Variants in DLG2 observed in about 807,000 individuals in gnomAD.
The protein encoded by DLG2 is discs large MAGUK scaffold protein 2.
In DLG2, 45 loss-of-function variants were observed where a neutral mutation model predicts 132.5. The ratio of observed to expected loss-of-function variants is 0.34; its 90% confidence interval spans 0.27 to 0.44. DLG2 has a LOEUF of 0.44. Ranked by LOEUF, DLG2 falls within the 20% of genes least tolerant of loss-of-function variation. The pLI is 1.00. For synonymous variants in DLG2, 424 were observed against 419.6 expected (o/e 1.01, Z -0.13); for missense variants, 1,045 against 1,196.9 (o/e 0.87, Z 1.87).
intron 11 of DLG2, among the ~76,000 whole-genome samples, chr11:84,032,781 G>A (rs755615189): frequency 5.9e-5 from 9 of 152,134 alleles, no homozygotes; most frequent in Non-Finnish European, 7.4e-5. Flanking sequence ...GATTCTCCTG[G>A]TAAGGGTTTA....
chr11:85,040,053 C>G (rs897141772), intron 6 of DLG2, among the ~76,000 whole-genome samples: 1 of 151,738 alleles, frequency 6.6e-6, no homozygotes, highest in African/African-American at 2.4e-5. Context: ...GCTATAGATC[C>G]CAAATTCAAA....
At chr11:84,947,455 C>A (rs1412660382) in intron 6 of DLG2, among the ~76,000 whole-genome samples, 1 of 152,190 alleles carries the variant, frequency 6.6e-6, no homozygotes, top group Non-Finnish European at 1.5e-5. Flanking sequence ...CAAATATTAT[C>A]TGCAAACTAA....
intron 6 of DLG2, among the ~76,000 whole-genome samples, chr11:85,024,977 C>T (rs1033723795): frequency 1.3e-5 from 2 of 152,160 alleles, no homozygotes; most frequent in African/African-American, 4.8e-5. Context: ...AAATAATCCT[C>T]ATTCAGCTCT....
intron 8 of DLG2, among the ~76,000 whole-genome samples, chr11:84,228,155 A>G (rs548531465): frequency 6.6e-6 from 1 of 152,122 alleles, no homozygotes; most frequent in South Asian, 2.1e-4. Flanking sequence ...TTAACTATCC[A>G]TCTCTTCCGT....
At chr11:84,027,925 G>T (rs771580317) in intron 11 of DLG2, among the ~76,000 whole-genome samples, 4 of 151,752 alleles carry the variant, frequency 2.6e-5, no homozygotes, top group Non-Finnish European at 4.4e-5. Context: ...ATAGAAATAA[G>T]AATGTACAGA....
At position 83,507,398 on chromosome 11, in the gene DLG2, G is replaced by GAT. The variant is rs35883560; in HGVS notation, c.2194-23172_2194-23171dup. Among the ~76,000 whole-genome samples the GAT allele has an allele frequency of 2.8e-3, 402 of 144,464 alleles. 5 individuals are homozygous for GAT. Among genetic ancestry groups the GAT allele is most frequent in the Admixed American group, 4.3e-3 (62 of 14,268 alleles). The allele number at this position is 144,464 out of a possible 152,430, so 94.8% of individuals were successfully genotyped here. ...TTCTCTAGAGGGACAGAACAAATAGGATATATATATATATACACACATACA... is the reference window on the plus strand; with the variant it reads ...TTCTCTAGAGGGACAGAACAAATAGGATATATATATATATATACACACATACA... On this transcript the variant is annotated intron_variant, in intron 21 of 27. Coordinates refer to ENST00000376104, the MANE Select transcript of DLG2 (RefSeq NM_001142699.3).
At chr11:85,153,202 G>A (rs2077371950) in intron 5 of DLG2, among the ~76,000 whole-genome samples, 2 of 152,140 alleles carry the variant, frequency 1.3e-5, no homozygotes, top group South Asian at 4.1e-4. Context: ...ATAGAGCCAA[G>A]ATACAAATCC....
At chr11:85,040,647 A>G (rs1211499018) in intron 6 of DLG2, among the ~76,000 whole-genome samples, 2 of 151,918 alleles carry the variant, frequency 1.3e-5, no homozygotes, top group African/African-American at 2.4e-5. Context: ...GACACCATCA[A>G]TCTTGTAACT....
At chr11:84,228,432 T>A (rs1358490638) in intron 8 of DLG2, among the ~76,000 whole-genome samples, 1 of 152,186 alleles carries the variant, frequency 6.6e-6, no homozygotes, top group African/African-American at 2.4e-5. Flanking sequence ...AAGACTTTAA[T>A]CAGAATTTTA....
intron 18 of DLG2, among the ~76,000 whole-genome samples, chr11:83,747,283 C>T (rs2092979356): frequency 9.4e-6 from 1 of 106,262 alleles, no homozygotes; most frequent in Non-Finnish European, 2.2e-5. Flanking sequence ...AATCTTCCTT[C>T]CTTCCTTCCT....
chr11:83,865,967 G>GC (rs1261426729), intron 16 of DLG2, among the ~76,000 whole-genome samples: 1 of 151,922 alleles, frequency 6.6e-6, no homozygotes, highest in Non-Finnish European at 1.5e-5. Context: ...CCTTTTCTTT[G>GC]CCTAGTCAAG....
chr11:85,198,213 T>C (rs1010508461), intron 4 of DLG2, among the ~76,000 whole-genome samples: 2 of 152,178 alleles, frequency 1.3e-5, no homozygotes, highest in East Asian at 1.9e-4. Flanking sequence ...AGAGATTTCG[T>C]TGTAGTTCCA....
intron 9 of DLG2, among the ~76,000 whole-genome samples, chr11:84,118,737 G>A (rs2093761297): frequency 6.6e-6 from 1 of 152,284 alleles, no homozygotes; most frequent in South Asian, 2.1e-4. Flanking sequence ...CTTCTAATTT[G>A]CGGTAGAAAT....
chr11:84,065,747 C>T (rs761435453), intron 10 of DLG2, among the ~76,000 whole-genome samples: 17 of 152,056 alleles, frequency 1.1e-4, no homozygotes, highest in Admixed American at 3.9e-4. Context: ...ATTATTCTAC[C>T]ATTAAGATAT....
chr11:84,102,853 AG>A (rs1007568776), intron 9 of DLG2, among the ~76,000 whole-genome samples: 31 of 152,172 alleles, frequency 2.0e-4, no homozygotes, highest in Admixed American at 3.3e-4. Flanking sequence ...ATAACAACCT[AG>A]AAACATTTAA....
chr11:84,794,088 C>A (rs573047973), intron 6 of DLG2, among the ~76,000 whole-genome samples: 1 of 152,124 alleles, frequency 6.6e-6, no homozygotes, highest in South Asian at 2.1e-4. Flanking sequence ...TGTGAAGTTA[C>A]CATGAGGCTT....
At chr11:83,920,228 T>C (rs778081243) in intron 15 of DLG2, among the ~76,000 whole-genome samples, 12 of 152,284 alleles carry the variant, frequency 7.9e-5, no homozygotes, top group South Asian at 2.1e-4. Flanking sequence ...AGTTTTAGTA[T>C]TCAATTTGGA....
At chr11:84,261,552 G>A (rs1190861628) in intron 7 of DLG2, among the ~76,000 whole-genome samples, 1 of 152,112 alleles carries the variant, frequency 6.6e-6, no homozygotes, top group East Asian at 1.9e-4. Flanking sequence ...AAGGAAATAA[G>A]TTATGTGAAA....
intron 7 of DLG2, among the ~76,000 whole-genome samples, chr11:84,413,352 G>T (rs1461631881): frequency 6.6e-6 from 1 of 152,206 alleles, no homozygotes; most frequent in Non-Finnish European, 1.5e-5. Context: ...TGGGTTTTAA[G>T]AAATAATTAA....
Sources: allele counts gnomAD v4.1 joint callset (sites outside exome capture counted in the v4.1 genomes callset), GRCh38; gene constraint gnomAD v4.1.1; transcripts MANE v1.5; gene names NCBI Gene and HGNC (gene_info 2026-07-23, HGNC 2026-07-21).